The following SNX13 variants were observed in gnomAD, a reference collection of about 807,000 sequenced individuals.
SNX13 encodes sorting nexin-13.
A neutral mutation model predicts 133.6 loss-of-function variants in SNX13; 45 were observed. The observed-to-expected ratio is 0.34, with a 90% CI of 0.27 to 0.43. The LOEUF (loss-of-function observed/expected upper bound fraction) is 0.43, where lower values mean the gene tolerates loss of function less well. Among genes scored for constraint, SNX13 ranks in the 20% least tolerant of loss-of-function variants. The probability of loss-of-function intolerance (pLI) is 1.00; values close to 1 mark genes in which losing one functional copy is unlikely to be tolerated. For missense variants in SNX13, 1,032 were observed against 1,145.1 expected, an observed-to-expected ratio of 0.90 and a Z score of 1.43; for synonymous variants, 414 against 373.9, an observed-to-expected ratio of 1.11 and a Z score of -1.24.
At chr7:17,884,418 T>G (rs1795738549) in intron 5 of SNX13, among the ~76,000 whole-genome samples, 1 of 152,234 alleles carries the variant, frequency 6.6e-6, no homozygotes, top group Non-Finnish European at 1.5e-5. Context: ...TTAATTTATT[T>G]GCCATTTTTC....
rs201586157 is a variant in SNX13, at chr7:17,897,317, T to C, written c.125+17A>G. On this transcript the variant is annotated intron_variant, in intron 2 of 25. Coordinates refer to ENST00000428135, the MANE Select transcript of SNX13 (RefSeq NM_015132.5). ...ATATGACACATGAATTATAAAATTA[T>C]AATTGAGTATACTTACCCACCCACA... 74 of 1,348,084 alleles carry C rather than the reference T, an allele frequency of 5.5e-5. No individual in the cohort carries two copies. The Admixed American group carries it at 6.3e-4, about 12-fold the overall frequency. 83.5% of individuals were successfully genotyped at this position (1,348,084 alleles called of 1,614,324 possible).
At chr7:17,884,777 T>A (rs1795791756) in intron 5 of SNX13, among the ~76,000 whole-genome samples, 1 of 152,202 alleles carries the variant, frequency 6.6e-6, no homozygotes, top group Non-Finnish European at 1.5e-5. Flanking sequence ...AGATGCTCGA[T>A]ATCACTAGCT....
At chr7:17,883,566 T>C (rs1795611090) in intron 5 of SNX13, among the ~76,000 whole-genome samples, 1 of 152,184 alleles carries the variant, frequency 6.6e-6, no homozygotes, top group Admixed American at 6.5e-5. Context: ...GTGCTGTTGC[T>C]TTTTTTAATA....
intron 2 of SNX13, among the ~76,000 whole-genome samples, chr7:17,895,071 G>T (rs1445262382): frequency 1.3e-5 from 2 of 152,066 alleles, no homozygotes; most frequent in African/African-American, 4.8e-5. Flanking sequence ...TGGTTATTAA[G>T]CATATTTATA....
chr7:17,834,641 G>T, intron 14 of SNX13, 120 bp downstream of exon 14: 1 of 551,106 alleles, frequency 1.8e-6, no homozygotes, highest in Non-Finnish European at 3.1e-6. Flanking sequence ...AAGTATAATT[G>T]CCATAGTTTA....
intron 1 of SNX13, among the ~76,000 whole-genome samples, chr7:17,906,112 TA>T (rs1170680920): frequency 1.3e-5 from 2 of 152,118 alleles, no homozygotes; most frequent in Non-Finnish European, 2.9e-5. Flanking sequence ...AAACCATATA[TA>T]AATAATCACA....
chr7:17,928,554 G>C (rs1378442641), intron 1 of SNX13, among the ~76,000 whole-genome samples: 1 of 152,072 alleles, frequency 6.6e-6, no homozygotes, highest in East Asian at 1.9e-4. Flanking sequence ...TTTTAAAAGG[G>C]AGGATGGGCA....
At position 17,831,889 on chromosome 7, in the gene SNX13, A is replaced by G. The variant is rs982125100; in HGVS notation, c.1598-1842T>C. 1.1e-5 allele frequency: 11 copies of G among 984,274 alleles called. No individual in the cohort carries two copies. In the African/African-American group the frequency reaches 1.7e-4, roughly 16 times the overall value. The allele number at this position is 984,274 out of a possible 1,614,324, so 61.0% of individuals were successfully genotyped here. A position where few individuals can be genotyped will look rare whatever the true frequency, so the allele number is the denominator to read the frequency against. ...GGTAAACCAGTGGCCTAAAACCTAA[A>G]CACTGACAAAGACAACAAAGCTGAC... is the stretch of plus-strand genomic sequence containing the variant. On this transcript the variant is annotated intron_variant, in intron 15 of 25. Transcript: ENST00000428135.
At chr7:17,836,054 T>C (rs759358557) in intron 13 of SNX13, among the ~76,000 whole-genome samples, 1 of 151,972 alleles carries the variant, frequency 6.6e-6, no homozygotes, top group African/African-American at 2.4e-5. Flanking sequence ...AAGGGTGAAT[T>C]TGAAACATCA....
chr7:17,891,815 C>T (rs1796660472), intron 3 of SNX13, among the ~76,000 whole-genome samples, 180 bp from the exon 4 acceptor site: 1 of 151,978 alleles, frequency 6.6e-6, no homozygotes, highest in African/African-American at 2.4e-5. Context: ...ATTAGACACT[C>T]CCAAAAAAAT....
intron 5 of SNX13, among the ~76,000 whole-genome samples, chr7:17,886,173 AT>A (rs1424940710): frequency 2.0e-5 from 3 of 152,108 alleles, no homozygotes; most frequent in African/African-American, 7.2e-5. Flanking sequence ...CTGTGATACT[AT>A]ATCATTAGTA....
At chr7:17,857,466 AC>A (rs1792060307) in intron 9 of SNX13, among the ~76,000 whole-genome samples, 1 of 152,188 alleles carries the variant, frequency 6.6e-6, no homozygotes. Context: ...CCTGATGAAC[AC>A]AGATGTCAAG....
At position 17,893,400 on chromosome 7, in the gene SNX13, T is replaced by G; in HGVS notation, c.160A>C (p.Asn54His). The change falls in exon 3 of 26, where the codon AAC becomes CAC. Residue 54 changes from asparagine (N) to histidine (H), a missense_variant. By Grantham distance (68) the Asn-to-His change is moderately conservative. Coordinates refer to ENST00000428135, the MANE Select transcript of SNX13 (RefSeq NM_015132.5). ...CACTGTTCTAGGTACTTCTCTGAGT[T>G]TGTTTTTCCAAACAGGAGAGTAACC... ...LVVTLLFGKT[N>H]SEKYLEQCEH... is the part of the protein sequence containing the mutation. 6.4e-7 allele frequency: 1 copy of G among 1,570,152 alleles called. No individual in the cohort carries two copies. Among genetic ancestry groups the G allele is most frequent in the Non-Finnish European group, 8.7e-7 (1 of 1,155,946 alleles).
At chr7:17,939,864 G>A (rs1299587399) in intron 1 of SNX13, among the ~76,000 whole-genome samples, 1 of 152,224 alleles carries the variant, frequency 6.6e-6, no homozygotes, top group African/African-American at 2.4e-5. Context: ...ACCGAGCTCG[G>A]AGGCGGAGGG....
chr7:17,939,452 C>G (rs1802503492), intron 1 of SNX13, among the ~76,000 whole-genome samples: 1 of 152,210 alleles, frequency 6.6e-6, no homozygotes. Context: ...TAACCTGGGT[C>G]AAGTACCTAG....
At chr7:17,828,752 CAA>C (rs769522548) in intron 16 of SNX13, among the ~76,000 whole-genome samples, 3 of 150,934 alleles carry the variant, frequency 2.0e-5, no homozygotes, top group Non-Finnish European at 4.5e-5. Flanking sequence ...TACCATGTGA[CAA>C]AAGAGACTTA....
rs565363938 is a variant in SNX13, at chr7:17,798,819, G to C, written c.2445-61C>G. 63 of 1,334,104 alleles carry C rather than the reference G, an allele frequency of 4.7e-5. No individual in the cohort carries two copies. In the African/African-American group the frequency reaches 8.9e-4, roughly 19 times the overall value. 82.6% of individuals were successfully genotyped at this position (1,334,104 alleles called of 1,614,324 possible). A position where few individuals can be genotyped will look rare whatever the true frequency, so the allele number is the denominator to read the frequency against. On this transcript the variant is annotated intron_variant, in intron 23 of 25. Coordinates refer to ENST00000428135, the MANE Select transcript of SNX13 (RefSeq NM_015132.5). ...ATTTTAGAAGGTGAAAAAAATAAAC[G>C]TGACTTTCATAGAGCAAGCAACTTA... is the stretch of plus-strand genomic sequence containing the variant.
Position 17,793,252 on chromosome 7 carries a change from A to G in SNX13, c.*793T>C, listed in dbSNP as rs1247910587. On this transcript the variant is annotated 3_prime_UTR_variant, in exon 26 of 26. Coordinates refer to ENST00000428135, the MANE Select transcript of SNX13 (RefSeq NM_015132.5). ...GTATAATCAGTAATCTGTTAAAGAT[A>G]AAACTAATAATTTTGAAATTTAAAT... The G allele has an allele frequency of 6.6e-6, 1 of 152,376 alleles. No individual in the cohort carries two copies. The highest frequency in any genetic ancestry group is 1.5e-5 in the Non-Finnish European group (1 of 67,874). 9.4% of individuals were successfully genotyped at this position (152,376 alleles called of 1,614,324 possible).
intron 1 of SNX13, chr7:17,900,248 A>G (rs1583687575): frequency 1.3e-5 from 2 of 152,404 alleles, no homozygotes; most frequent in East Asian, 3.9e-4. Context: ...CTGTGATGGC[A>G]CTGGATCATA....
Sources: gnomAD v4.1 joint callset for allele counts (sites outside exome capture counted in the v4.1 genomes callset) on GRCh38, gnomAD v4.1.1 for gene constraint, MANE v1.5 for transcripts, NCBI Gene and HGNC (gene_info 2026-07-23, HGNC 2026-07-21) for gene names.